The following STARD10 variants were observed in gnomAD, a reference collection of about 807,000 sequenced individuals.
The protein encoded by STARD10 is StAR related lipid transfer domain containing 10.
A neutral mutation model predicts 36.0 loss-of-function variants in STARD10; 24 were observed. That is an observed-to-expected ratio of 0.67 (90% CI 0.48 to 0.94). The LOEUF is 0.94. Among genes scored for constraint, STARD10 ranks in the 40% least tolerant of loss-of-function variants. STARD10 has a pLI of 0.00. For missense variants in STARD10, 335 were observed against 396.6 expected, an observed-to-expected ratio of 0.84 and a Z score of 1.32; for synonymous variants, 156 against 161.9, an observed-to-expected ratio of 0.96 and a Z score of 0.28.
At chr11:72,755,502 G>T (rs1177045250) in intron 6 of STARD10, 199 bp downstream of exon 6, 5 of 654,138 alleles carry the variant, frequency 7.6e-6, no homozygotes, top group African/African-American at 1.8e-5. Flanking sequence ...GTAGAGACAG[G>T]GTTTCACCAT....
At chr11:72,786,075 G>GGCGC (rs1191436000) in intron 1 of STARD10, 1 of 152,552 alleles carries the variant, frequency 6.6e-6, no homozygotes, top group Admixed American at 6.5e-5. Context: ...CAGCAGGCCG[G>GGCGC]GCGCGGTGGC....
chr11:72,772,412 T>A (rs1375936827), intron 2 of STARD10, among the ~76,000 whole-genome samples: 1 of 152,148 alleles, frequency 6.6e-6, no homozygotes, highest in Non-Finnish European at 1.5e-5. Flanking sequence ...GTTGTCATAG[T>A]GGGCATGGCT....
intron 2 of STARD10, among the ~76,000 whole-genome samples, chr11:72,766,608 C>T (rs1858794868): frequency 6.6e-6 from 1 of 151,966 alleles, no homozygotes; most frequent in Admixed American, 6.6e-5. Context: ...CTCACTCTAC[C>T]CCCCACCTCT....
chr11:72,767,469 C>A (rs991491150), intron 2 of STARD10, among the ~76,000 whole-genome samples: 1 of 152,208 alleles, frequency 6.6e-6, no homozygotes, highest in Non-Finnish European at 1.5e-5. Context: ...AGCAGAGAAC[C>A]AGAGTCCAGG....
At chr11:72,758,088 G>A in intron 4 of STARD10, 1 of 593,156 alleles carries the variant, frequency 1.7e-6, no homozygotes, top group Non-Finnish European at 3.0e-6. Flanking sequence ...AGCTTTTCCT[G>A]TTCCCCTCAG....
chr11:72,768,339 C>T (rs2135616778), intron 2 of STARD10, among the ~76,000 whole-genome samples: 1 of 152,288 alleles, frequency 6.6e-6, no homozygotes, highest in African/African-American at 2.4e-5. Flanking sequence ...TCCCTGAGGC[C>T]CCCACAAGGC....
At chr11:72,775,147 C>T (rs1156426246) in intron 2 of STARD10, among the ~76,000 whole-genome samples, 1 of 152,190 alleles carries the variant, frequency 6.6e-6, no homozygotes. Flanking sequence ...CCATGCCGTC[C>T]TGCATCCCAG....
chr11:72,781,695 G>C lies in STARD10; in HGVS notation c.-113-401C>G, dbSNP rs907839617. 2.5e-4 allele frequency: 37 copies of C among 148,176 alleles called. 1 individual carries two copies. The highest frequency in any genetic ancestry group is 4.7e-4 in the Admixed American group (7 of 14,890). The allele number at this position is 148,176 out of a possible 1,614,324, so 9.2% of individuals were successfully genotyped here. ...CCGCCGCTCCGCCGGGGCCCGCCGG[G>C]GCCGGGGTGCCAGCGCCGCCGCCGC... On this transcript the variant is annotated intron_variant, in intron 1 of 6. Transcript: ENST00000334805. This position sits in a 1 kb window ranked among gnomAD's most constrained non-coding sequence, Gnocchi z 4.7.
intron 2 of STARD10, among the ~76,000 whole-genome samples, chr11:72,768,821 C>A (rs1858824773): frequency 6.6e-6 from 1 of 152,222 alleles, no homozygotes; most frequent in South Asian, 2.1e-4. Context: ...TGGCATCCTC[C>A]ATGCCTTGCA....
chr11:72,755,200 A>AC, intron 6 of STARD10, 58 bp from the exon 7 acceptor site: 7 of 1,504,368 alleles, frequency 4.7e-6, no homozygotes, highest in Non-Finnish European at 5.3e-6. Flanking sequence ...TCTTCTCCAC[A>AC]CCCCCCTCCA....
At chr11:72,778,971 T>C (rs1158281742) in intron 2 of STARD10, among the ~76,000 whole-genome samples, 1 of 152,234 alleles carries the variant, frequency 6.6e-6, no homozygotes, top group Non-Finnish European at 1.5e-5. Flanking sequence ...AAGTCTGATC[T>C]GGCCACGAGT....
At chr11:72,787,898 A>G (rs1411436253) in intron 1 of STARD10, among the ~76,000 whole-genome samples, 1 of 152,010 alleles carries the variant, frequency 6.6e-6, no homozygotes, top group African/African-American at 2.4e-5. Context: ...TTTATCTCAA[A>G]GTTGGGGCCT....
intron 2 of STARD10, among the ~76,000 whole-genome samples, chr11:72,769,501 G>A (rs1417700729): frequency 3.9e-5 from 6 of 152,048 alleles, no homozygotes; most frequent in Admixed American, 1.3e-4. Flanking sequence ...GTGCCACCAC[G>A]CCTGGCTAAT....
intron 2 of STARD10, among the ~76,000 whole-genome samples, chr11:72,772,259 T>C (rs1186394741): frequency 6.6e-6 from 1 of 150,438 alleles, no homozygotes; most frequent in African/African-American, 2.5e-5. Flanking sequence ...GGTGCTGCCA[T>C]AGTGGGCACG....
chr11:72,775,037 G>A (rs1296425518), intron 2 of STARD10, among the ~76,000 whole-genome samples: 1 of 152,170 alleles, frequency 6.6e-6, no homozygotes, highest in Non-Finnish European at 1.5e-5. Flanking sequence ...GTCCCAGCAG[G>A]GACACAGCCT....
intron 1 of STARD10, among the ~76,000 whole-genome samples, chr11:72,784,506 T>G (rs1365323129): frequency 1.3e-5 from 2 of 152,208 alleles, no homozygotes; most frequent in Non-Finnish European, 2.9e-5. Context: ...TGGGGGTGAC[T>G]GGGGCAGGGA....
intron 2 of STARD10, among the ~76,000 whole-genome samples, chr11:72,777,235 C>G (rs962300213): frequency 6.6e-6 from 1 of 152,268 alleles, no homozygotes. Context: ...GAACAGAGCA[C>G]GTGAGCATCC....
At chr11:72,784,725 C>T (rs1214532692) in intron 1 of STARD10, among the ~76,000 whole-genome samples, 2 of 152,180 alleles carry the variant, frequency 1.3e-5, no homozygotes, top group African/African-American at 4.8e-5. Flanking sequence ...CTCTGAGCCC[C>T]GAGGCCAGAG....
intron 2 of STARD10, among the ~76,000 whole-genome samples, chr11:72,759,842 C>G (rs190987436): frequency 1.3e-5 from 2 of 152,174 alleles, no homozygotes; most frequent in African/African-American, 4.8e-5. Context: ...ACTTATCACG[C>G]GGCCATACCA....
Sources: gnomAD v4.1 joint callset for allele counts (sites outside exome capture counted in the v4.1 genomes callset) on GRCh38, gnomAD v4.1.1 for gene constraint, Gnocchi (gnomAD v3.1) non-coding constraint, MANE v1.5 for transcripts, NCBI Gene and HGNC (gene_info 2026-07-23, HGNC 2026-07-21) for gene names.